The following SLC16A7 variants were observed in gnomAD, a reference collection of about 807,000 sequenced individuals.
The protein encoded by SLC16A7 is monocarboxylate transporter 2.
Under a neutral mutation model 34.9 loss-of-function variants are expected in SLC16A7, and 33 were observed. That is an observed-to-expected ratio of 0.94 (90% CI 0.72 to 1.26). SLC16A7 has a LOEUF of 1.26. Among genes scored for constraint, SLC16A7 ranks in the 50% most tolerant of loss-of-function variants. SLC16A7 has a pLI of 0.00. For missense variants in SLC16A7, 573 were observed against 578.1 expected, an observed-to-expected ratio of 0.99 and a Z score of 0.09; for synonymous variants, 201 against 206.6, an observed-to-expected ratio of 0.97 and a Z score of 0.23.
At chr12:59,731,791 A>G (rs1331435148) in intron 3 of SLC16A7, among the ~76,000 whole-genome samples, 3 of 152,320 alleles carry the variant, frequency 2.0e-5, no homozygotes, top group East Asian at 3.9e-4. Flanking sequence ...ATATTGTTTC[A>G]TACCATCATG....
intron 2 of SLC16A7, among the ~76,000 whole-genome samples, chr12:59,703,479 A>C (rs1343005920): frequency 1.3e-5 from 2 of 152,178 alleles, no homozygotes; most frequent in Admixed American, 6.6e-5. Flanking sequence ...CAAATATATA[A>C]AAAAGCTAAT....
intron 1 of SLC16A7, among the ~76,000 whole-genome samples, chr12:59,636,117 C>A (rs1880414026): frequency 6.6e-6 from 1 of 151,300 alleles, no homozygotes; most frequent in African/African-American, 2.4e-5. Flanking sequence ...ATAAAGCAAA[C>A]TTAGGCTTCA....
At chr12:59,735,852 A>T (rs2137260884) in intron 3 of SLC16A7, 3 of 646,188 alleles carry the variant, frequency 4.6e-6, no homozygotes, top group Non-Finnish European at 6.2e-6. Context: ...CCATATATTT[A>T]AAAACATACC....
At chr12:59,659,240 C>A (rs1868701748) in intron 2 of SLC16A7, among the ~76,000 whole-genome samples, 2 of 151,926 alleles carry the variant, frequency 1.3e-5, no homozygotes, top group Non-Finnish European at 2.9e-5. Context: ...AGCCTCCCAC[C>A]ATGGGAAAGT....
intron 2 of SLC16A7, among the ~76,000 whole-genome samples, chr12:59,692,728 T>C (rs758415975): frequency 6.6e-6 from 1 of 152,024 alleles, no homozygotes; most frequent in Non-Finnish European, 1.5e-5. Flanking sequence ...ACCACCGCAA[T>C]AGTGTAGTCT....
At chr12:59,705,562 T>G (rs1335907252) in intron 3 of SLC16A7, among the ~76,000 whole-genome samples, 3 of 152,208 alleles carry the variant, frequency 2.0e-5, no homozygotes, top group Non-Finnish European at 4.4e-5. Context: ...CTTAAATTGT[T>G]GCTTGGAAAT....
At chr12:59,728,248 G>A (rs922599216) in intron 3 of SLC16A7, among the ~76,000 whole-genome samples, 1 of 152,114 alleles carries the variant, frequency 6.6e-6, no homozygotes, top group African/African-American at 2.4e-5. Flanking sequence ...TGGGCCAGGT[G>A]GAAGAGCATG....
chr12:59,755,814 A>G (rs1011679823), intron 3 of SLC16A7, among the ~76,000 whole-genome samples: 1 of 152,190 alleles, frequency 6.6e-6, no homozygotes, highest in Non-Finnish European at 1.5e-5. Context: ...TCCTAAGCCA[A>G]AAGAACAAAG....
At chr12:59,663,050 T>C (rs1213123537) in intron 2 of SLC16A7, among the ~76,000 whole-genome samples, 1 of 152,024 alleles carries the variant, frequency 6.6e-6, no homozygotes, top group African/African-American at 2.4e-5. Flanking sequence ...TTTTTGAGGA[T>C]TTTATATGGT....
At chr12:59,723,997 T>C (rs1875934822) in intron 3 of SLC16A7, among the ~76,000 whole-genome samples, 1 of 151,990 alleles carries the variant, frequency 6.6e-6, no homozygotes, top group Non-Finnish European at 1.5e-5. Context: ...AAAATGTAAT[T>C]GTGGCTTAAA....
At chr12:59,621,208 T>A (rs1879682553) in intron 1 of SLC16A7, among the ~76,000 whole-genome samples, 1 of 151,870 alleles carries the variant, frequency 6.6e-6, no homozygotes, top group South Asian at 2.1e-4. Context: ...CTCCTCACAC[T>A]GATTATTGAT....
At chr12:59,767,519 A>G (rs978735130) in intron 3 of SLC16A7, among the ~76,000 whole-genome samples, 11 of 152,114 alleles carry the variant, frequency 7.2e-5, no homozygotes, top group Admixed American at 7.2e-4. Flanking sequence ...ACTATTCTGC[A>G]AAATCTGTGG....
rs999298896 is a variant in SLC16A7, at chr12:59,777,648, AT to A, written c.1181-1769del. 2.1e-4 allele frequency among the ~76,000 whole-genome samples: 32 copies of A among 150,790 alleles called. 1 individual carries two copies. Among genetic ancestry groups the A allele is most frequent in the Middle Eastern group, 3.4e-3 (1 of 292 alleles). ...TAATCCTTAAAATATTTCTTTTATTATTTTTTATTTTATTATTATTAGACTT... is the reference window on the plus strand; with the variant it reads ...TAATCCTTAAAATATTTCTTTTATTATTTTTATTTTATTATTATTAGACTT... On this transcript the variant is annotated intron_variant, in intron 5 of 5. Transcript: ENST00000547379.
intron 3 of SLC16A7, among the ~76,000 whole-genome samples, chr12:59,758,131 G>A (rs1880600943): frequency 6.6e-6 from 1 of 151,680 alleles, no homozygotes; most frequent in African/African-American, 2.4e-5. Flanking sequence ...TGTTGTTCAA[G>A]GGTCAATTGT....
intron 1 of SLC16A7, among the ~76,000 whole-genome samples, chr12:59,611,805 C>T (rs760419742): frequency 4.9e-4 from 75 of 152,190 alleles, no homozygotes; most frequent in Non-Finnish European, 9.4e-4. Context: ...TCCAATAGTT[C>T]ATTCATTTAA....
At chr12:59,609,022 C>T (rs1196414860) in intron 1 of SLC16A7, among the ~76,000 whole-genome samples, 1 of 152,192 alleles carries the variant, frequency 6.6e-6, no homozygotes, top group East Asian at 1.9e-4. Flanking sequence ...GAAGCTTCCC[C>T]TTTACCCTCT....
At position 59,782,831 on chromosome 12, in the gene SLC16A7, A is replaced by C. The variant is rs1444265810; in HGVS notation, c.*3152A>C. The C allele has an allele frequency of 6.6e-6, 1 of 152,210 alleles. No individual in the cohort carries two copies. The highest frequency in any genetic ancestry group is 1.5e-5 in the Non-Finnish European group (1 of 68,028). The allele number at this position is 152,210 out of a possible 1,614,324, so 9.4% of individuals were successfully genotyped here. A position where few individuals can be genotyped will look rare whatever the true frequency, so the allele number is the denominator to read the frequency against. On this transcript the variant is annotated 3_prime_UTR_variant, in exon 6 of 6. Coordinates refer to ENST00000547379, the MANE Select transcript of SLC16A7 (RefSeq NM_001270623.2). ...GTTTTAGTGTATTTCACATTGGAAGACATGATGTTTTCTCAGTATAAATCT... is the reference window on the plus strand; with the variant it reads ...GTTTTAGTGTATTTCACATTGGAAGCCATGATGTTTTCTCAGTATAAATCT...
chr12:59,753,695 A>T lies in SLC16A7; in HGVS notation c.218-17524A>T, dbSNP rs1025060968. Among the ~76,000 whole-genome samples, 18 of 152,208 alleles carry T rather than the reference A, an allele frequency of 1.2e-4. 1 individual carries two copies. The highest frequency in any genetic ancestry group is 4.3e-4 in the African/African-American group (18 of 41,508). ...CCCCACTGTCAACATTAGACAGATCAACGAGACAGAAAGTTAACAAGGATA... is the reference window on the plus strand; with the variant it reads ...CCCCACTGTCAACATTAGACAGATCTACGAGACAGAAAGTTAACAAGGATA... On this transcript the variant is annotated intron_variant, in intron 3 of 5. Transcript: ENST00000547379.
chr12:59,691,406 T>TTTTTGTTG (rs1315197830), intron 2 of SLC16A7, among the ~76,000 whole-genome samples: 1 of 152,030 alleles, frequency 6.6e-6, no homozygotes, highest in Non-Finnish European at 1.5e-5. Flanking sequence ...CTATATGTTG[T>TTTTTGTTG]TTTTGTTTGT....
Sources: gnomAD v4.1 joint callset for allele counts (sites outside exome capture counted in the v4.1 genomes callset) on GRCh38, gnomAD v4.1.1 for gene constraint, MANE v1.5 for transcripts, NCBI Gene and HGNC (gene_info 2026-07-23, HGNC 2026-07-21) for gene names.